Variants in GBE1 observed in about 807,000 individuals in gnomAD.
GBE1 encodes 1,4-alpha-glucan-branching enzyme.
A neutral mutation model predicts 88.8 loss-of-function variants in GBE1; 70 were observed. The observed-to-expected ratio is 0.79, with a 90% CI of 0.65 to 0.96. The LOEUF is 0.96. Ranked by LOEUF, GBE1 falls within the 40% of genes least tolerant of loss-of-function variation. The pLI is 0.00. For synonymous variants in GBE1, 284 were observed against 300.1 expected, an observed-to-expected ratio of 0.95 and a Z score of 0.56; for missense variants, 872 against 871.0, an observed-to-expected ratio of 1.00 and a Z score of -0.01.
chr3:81,677,034 A>T (rs181969633), intron 2 of GBE1, among the ~76,000 whole-genome samples: 229 of 152,284 alleles, frequency 1.5e-3, no homozygotes, highest in African/African-American at 4.8e-3. Flanking sequence ...AAAATTCTCA[A>T]ATGTCAGCCT....
chr3:81,493,419 C>T (rs937766192), intron 15 of GBE1, among the ~76,000 whole-genome samples: 1 of 151,942 alleles, frequency 6.6e-6, no homozygotes, highest in Non-Finnish European at 1.5e-5. Context: ...CATTCATAAC[C>T]TCATTATTTC....
chr3:81,634,817 A>G (rs1204114227), intron 7 of GBE1, among the ~76,000 whole-genome samples: 1 of 152,170 alleles, frequency 6.6e-6, no homozygotes, highest in Admixed American at 6.5e-5. Flanking sequence ...GAGAAAAGTT[A>G]GTGAAGGAAC....
At position 81,589,374 on chromosome 3, in the gene GBE1, T is replaced by C. The variant is rs546000837; in HGVS notation, c.1236+1663A>G. ...TACATTGCTTATTCGTTCAAATACA[T>C]TCCTTTTCTTAAAAAAAAAAAAGTT... On this transcript the variant is annotated intron_variant, in intron 9 of 15. Transcript: ENST00000429644. Among the ~76,000 whole-genome samples, 8 of 151,854 alleles carry C rather than the reference T, an allele frequency of 5.3e-5. No homozygotes were observed. The East Asian group carries it at 1.4e-3, about 26-fold the overall frequency.
chr3:81,664,657 C>A (rs1050786644), intron 3 of GBE1, among the ~76,000 whole-genome samples: 1 of 152,144 alleles, frequency 6.6e-6, no homozygotes, highest in African/African-American at 2.4e-5. Context: ...AGGTGCTGCT[C>A]AGCTGAGAAC....
intron 1 of GBE1, among the ~76,000 whole-genome samples, chr3:81,738,399 T>A (rs1401149021): frequency 6.6e-6 from 1 of 151,870 alleles, no homozygotes; most frequent in Non-Finnish European, 1.5e-5. Flanking sequence ...TTTCTCCACA[T>A]CCTCTCCAGC....
chr3:81,549,544 T>C (rs1419779673), intron 12 of GBE1, among the ~76,000 whole-genome samples: 4 of 151,436 alleles, frequency 2.6e-5, no homozygotes, highest in Non-Finnish European at 4.4e-5. Context: ...TACAGGGTTC[T>C]TGACCCACAG....
At chr3:81,525,850 T>A (rs1702936189) in intron 14 of GBE1, among the ~76,000 whole-genome samples, 1 of 152,090 alleles carries the variant, frequency 6.6e-6, no homozygotes, top group Non-Finnish European at 1.5e-5. Flanking sequence ...CTGATGGTAG[T>A]TTGTATTTCT....
At chr3:81,563,392 AG>A (rs1703446920) in intron 12 of GBE1, among the ~76,000 whole-genome samples, 1 of 152,128 alleles carries the variant, frequency 6.6e-6, no homozygotes, top group Non-Finnish European at 1.5e-5. Flanking sequence ...GGTACTCTGT[AG>A]AGTGATGTCA....
chr3:81,727,653 A>C (rs1706131935), intron 1 of GBE1, among the ~76,000 whole-genome samples: 1 of 152,210 alleles, frequency 6.6e-6, no homozygotes, highest in Non-Finnish European at 1.5e-5. Flanking sequence ...AAATGTCTCC[A>C]GTGCAATTCT....
chr3:81,581,365 G>T, intron 10 of GBE1, 90 bp from the exon 11 acceptor site: 1 of 721,660 alleles, frequency 1.4e-6, no homozygotes. Flanking sequence ...TTATATCAGT[G>T]CAAACTATTT....
intron 14 of GBE1, among the ~76,000 whole-genome samples, chr3:81,531,204 G>C (rs745389249): frequency 6.6e-6 from 1 of 151,892 alleles, no homozygotes; most frequent in African/African-American, 2.4e-5. Context: ...GCCAGAACTA[G>C]GTCTCTCCTT....
At chr3:81,511,375 A>G (rs1293517838) in intron 14 of GBE1, among the ~76,000 whole-genome samples, 2 of 152,132 alleles carry the variant, frequency 1.3e-5, no homozygotes, top group Non-Finnish European at 2.9e-5. Context: ...CAATCAACAG[A>G]GTAAACAGAC....
rs200991885 is a variant in GBE1 at position 81,649,743 on chromosome 3, A to C, written c.555+53T>G. On this transcript the variant is annotated intron_variant, in intron 4 of 15. Transcript: ENST00000429644. The stretch of plus-strand genomic sequence containing the variant: ...ATAAAAGTTATAAAAGTAAAAATTA[A>C]CTTTCCTAGAAATATTGGAACAATA... 5.4e-6 allele frequency: 8 copies of C among 1,479,358 alleles called. No individual in the cohort carries two copies. Among genetic ancestry groups the C allele is most frequent in the South Asian group, 3.8e-5 (3 of 79,680 alleles). The allele number at this position is 1,479,358 out of a possible 1,614,324, so 91.6% of individuals were successfully genotyped here. A position where few individuals can be genotyped will look rare whatever the true frequency, so the allele number is the denominator to read the frequency against.
At chr3:81,597,615 C>T (rs1363584063) in intron 7 of GBE1, among the ~76,000 whole-genome samples, 1 of 151,012 alleles carries the variant, frequency 6.6e-6, no homozygotes, top group Non-Finnish European at 1.5e-5. Context: ...GCTATTCACA[C>T]TGTGCATAGT....
chr3:81,660,918 A>G (rs1487785154), intron 3 of GBE1, among the ~76,000 whole-genome samples: 1 of 152,232 alleles, frequency 6.6e-6, no homozygotes, highest in Non-Finnish European at 1.5e-5. Flanking sequence ...TTTATTCATC[A>G]TTATTTGAAG....
chr3:81,498,764 A>G (rs536956389), intron 15 of GBE1, among the ~76,000 whole-genome samples: 1 of 152,314 alleles, frequency 6.6e-6, no homozygotes, highest in South Asian at 2.1e-4. Flanking sequence ...TATGGAGAAA[A>G]CAAGAACAGA....
intron 12 of GBE1, among the ~76,000 whole-genome samples, chr3:81,551,935 G>A (rs753074205): frequency 2.2e-4 from 33 of 152,170 alleles, no homozygotes; most frequent in Non-Finnish European, 4.6e-4. Flanking sequence ...CAGGAATGTG[G>A]TGCTGAATGT....
chr3:81,748,387 G>A (rs993500872), intron 1 of GBE1, among the ~76,000 whole-genome samples: 2 of 152,084 alleles, frequency 1.3e-5, no homozygotes, highest in African/African-American at 4.8e-5. Flanking sequence ...CGAGGAGGGC[G>A]GATCACCAGG....
At chr3:81,587,784 T>C (rs1225857952) in intron 9 of GBE1, among the ~76,000 whole-genome samples, 1 of 152,110 alleles carries the variant, frequency 6.6e-6, no homozygotes, top group Non-Finnish European at 1.5e-5. Flanking sequence ...TAAGACATAA[T>C]ATCTGACTTT....
Sources: gnomAD v4.1 joint callset for allele counts (sites outside exome capture counted in the v4.1 genomes callset) on GRCh38, gnomAD v4.1.1 for gene constraint, MANE v1.5 for transcripts, NCBI Gene and HGNC (gene_info 2026-07-23, HGNC 2026-07-21) for gene names.